The following ROPN1 variants were observed in gnomAD, a reference collection of about 807,000 sequenced individuals.
ROPN1 encodes the protein ropporin-1A.
Under a neutral mutation model 20.5 loss-of-function variants are expected in ROPN1, and 14 were observed. The ratio of observed to expected loss-of-function variants is 0.68; its 90% confidence interval spans 0.45 to 1.07. The LOEUF (loss-of-function observed/expected upper bound fraction) is 1.07. ROPN1 is among the 50% of genes least tolerant of loss of function. ROPN1 has a pLI of 0.00. For missense variants in ROPN1, 169 were observed against 242.8 expected, an observed-to-expected ratio of 0.70 and a Z score of 2.02; for synonymous variants, 76 against 95.7, an observed-to-expected ratio of 0.79 and a Z score of 1.20.
At chr3:123,990,055 T>G (rs1249198636) in intron 1 of ROPN1, among the ~76,000 whole-genome samples, 1 of 152,218 alleles carries the variant, frequency 6.6e-6, no homozygotes, top group African/African-American at 2.4e-5. Context: ...ATGATTTATT[T>G]CTCTTTGTTG....
chr3:123,976,995 A>G lies in ROPN1; in HGVS notation c.117-14T>C. 6.2e-7 allele frequency: 1 copy of G among 1,605,934 alleles called. No homozygotes were observed. On this transcript the variant is annotated splice_polypyrimidine_tract_variant and intron_variant, in intron 2 of 5. Transcript: ENST00000405845. Reference sequence around the variant, plus strand: ...GCCTCAAAATAACTACAAGAAAAAAAGTCAGAGAGTAGGAGGATCCTATAC... The same window carrying G: ...GCCTCAAAATAACTACAAGAAAAAAGGTCAGAGAGTAGGAGGATCCTATAC...
chr3:123,969,411 C>T (rs1274921472), intron 5 of ROPN1, among the ~76,000 whole-genome samples, 190 bp from the exon 6 acceptor site: 1 of 152,120 alleles, frequency 6.6e-6, no homozygotes, highest in Non-Finnish European at 1.5e-5. Flanking sequence ...AATCTTGGCT[C>T]ACTGCAACCT....
intron 1 of ROPN1, among the ~76,000 whole-genome samples, chr3:123,988,227 C>T (rs1394751389): frequency 6.6e-6 from 1 of 151,998 alleles, no homozygotes; most frequent in East Asian, 1.9e-4. Flanking sequence ...CTCACTGCAA[C>T]TTCCACCTCT....
At chr3:123,986,052 T>C (rs936029089) in intron 1 of ROPN1, among the ~76,000 whole-genome samples, 2 of 137,498 alleles carry the variant, frequency 1.5e-5, no homozygotes, top group Non-Finnish European at 3.2e-5. Flanking sequence ...AAATAAATGA[T>C]ATTTATATTT....
At chr3:123,977,565 G>A (rs1208384069) in intron 2 of ROPN1, among the ~76,000 whole-genome samples, 4 of 152,100 alleles carry the variant, frequency 2.6e-5, no homozygotes, top group Non-Finnish European at 5.9e-5. Context: ...AGGAGGGAAG[G>A]GGAAGAGATG....
At chr3:123,979,787 A>G in intron 2 of ROPN1, 1 of 348,496 alleles carries the variant, frequency 2.9e-6, no homozygotes, top group Non-Finnish European at 5.6e-6. Context: ...GAGAAACACT[A>G]AAGAAAATAA....
intron 2 of ROPN1, among the ~76,000 whole-genome samples, chr3:123,977,429 A>G (rs1264657812): frequency 6.6e-6 from 1 of 152,234 alleles, no homozygotes; most frequent in African/African-American, 2.4e-5. Flanking sequence ...AGGGCCTGTA[A>G]TCTGGTGACT....
chr3:123,988,501 G>A (rs1306296410), intron 1 of ROPN1, among the ~76,000 whole-genome samples: 1 of 152,106 alleles, frequency 6.6e-6, no homozygotes, highest in African/African-American at 2.4e-5. Context: ...TATAAGATTA[G>A]GGCTATGTTT....
chr3:123,986,581 A>G (rs1377224830), intron 1 of ROPN1, among the ~76,000 whole-genome samples: 1 of 151,980 alleles, frequency 6.6e-6, no homozygotes. Flanking sequence ...AGCACGAGGG[A>G]AGGTGTTGGC....
chr3:123,984,190 T>C (rs2148999845), intron 1 of ROPN1, among the ~76,000 whole-genome samples: 1 of 152,314 alleles, frequency 6.6e-6, no homozygotes, highest in South Asian at 2.1e-4. Context: ...CACGGCTTTA[T>C]CTACGACAAA....
rs1487874988 is a variant in ROPN1, at chr3:123,969,317, G to C, written c.573-96C>G. 16 of 1,038,584 alleles carry C rather than the reference G, an allele frequency of 1.5e-5. No individual in the cohort carries two copies. In the Admixed American group the frequency reaches 2.0e-4, roughly 13 times the overall value. 64.3% of individuals were successfully genotyped at this position (1,038,584 alleles called of 1,614,324 possible). A position where few individuals can be genotyped will look rare whatever the true frequency, so the allele number is the denominator to read the frequency against. On this transcript the variant is annotated intron_variant, in intron 5 of 5. Coordinates refer to ENST00000405845, the MANE Select transcript of ROPN1 (RefSeq NM_001317774.2). ...ACTCTCATTTCACATTAATTCTGCTGTTGCTCCTTTTTCTCTTTTTTTGTT... is the reference window on the plus strand; with the variant it reads ...ACTCTCATTTCACATTAATTCTGCTCTTGCTCCTTTTTCTCTTTTTTTGTT...
chr3:123,975,663 G>C (rs1484255451), intron 3 of ROPN1, 123 bp from the exon 4 acceptor site: 13 of 711,724 alleles, frequency 1.8e-5, no homozygotes, highest in Admixed American at 4.7e-5. Context: ...GCGGGAGGGG[G>C]TGTTAGGAAG....
At chr3:123,980,198 G>A in intron 2 of ROPN1, 168 bp downstream of exon 2, 1 of 665,620 alleles carries the variant, frequency 1.5e-6, no homozygotes, top group East Asian at 2.7e-5. Flanking sequence ...GCTAGATGTA[G>A]CATTTATGTG....
chr3:123,969,024 T>C lies in ROPN1; in HGVS notation c.*131A>G. ...ATCTTAATTCTGCACATTTCTGATCTCATATGTTTAATTGTTTATTAGTGT... is the reference window on the plus strand; with the variant it reads ...ATCTTAATTCTGCACATTTCTGATCCCATATGTTTAATTGTTTATTAGTGT... On this transcript the variant is annotated 3_prime_UTR_variant, in exon 6 of 6. Coordinates refer to ENST00000405845, the MANE Select transcript of ROPN1 (RefSeq NM_001317774.2). 1 of 746,618 alleles carries C rather than the reference T, an allele frequency of 1.3e-6. No homozygotes were observed. Among genetic ancestry groups the C allele is most frequent in the Non-Finnish European group, 2.4e-6 (1 of 423,610 alleles). The allele number at this position is 746,618 out of a possible 1,614,324, so 46.2% of individuals were successfully genotyped here. A position where few individuals can be genotyped will look rare whatever the true frequency, so the allele number is the denominator to read the frequency against.
At chr3:123,990,211 G>T (rs898282638) in intron 1 of ROPN1, among the ~76,000 whole-genome samples, 4 of 152,086 alleles carry the variant, frequency 2.6e-5, no homozygotes, top group African/African-American at 9.7e-5. Context: ...AGTTGCAATA[G>T]GGAGTGATAT....
chr3:123,977,540 C>G (rs530116661), intron 2 of ROPN1, among the ~76,000 whole-genome samples: 2 of 152,070 alleles, frequency 1.3e-5, no homozygotes, highest in South Asian at 4.1e-4. Context: ...ACCCCCATCT[C>G]TGAAGAAACA....
intron 3 of ROPN1, among the ~76,000 whole-genome samples, chr3:123,976,581 C>T (rs1307394615): frequency 6.6e-6 from 1 of 152,214 alleles, no homozygotes; most frequent in Non-Finnish European, 1.5e-5. Context: ...TGAGGACTTG[C>T]ACTTTTCTGG....
chr3:123,981,177 G>T (rs529434560), intron 1 of ROPN1, among the ~76,000 whole-genome samples: 33 of 152,172 alleles, frequency 2.2e-4, no homozygotes, highest in Non-Finnish European at 3.1e-4. Flanking sequence ...ATTTTTTTCT[G>T]CTTTTAGTAG....
At chr3:123,969,924 G>T in intron 5 of ROPN1, 118 bp downstream of exon 5, 7 of 973,164 alleles carry the variant, frequency 7.2e-6, no homozygotes, top group South Asian at 6.1e-5. Context: ...CATATTTCAT[G>T]TTTCTCACAA....
Sources: gnomAD v4.1 joint callset for allele counts (sites outside exome capture counted in the v4.1 genomes callset) on GRCh38, gnomAD v4.1.1 for gene constraint, MANE v1.5 for transcripts, NCBI Gene and HGNC (gene_info 2026-07-23, HGNC 2026-07-21) for gene names.